KIF13B: variants seen among roughly 807,000 people sequenced by gnomAD.
The protein encoded by KIF13B is kinesin family member 13B.
Under a neutral mutation model 222.0 loss-of-function variants are expected in KIF13B, and 127 were observed. The ratio of observed to expected loss-of-function variants is 0.57; its 90% confidence interval spans 0.50 to 0.66. The LOEUF is 0.66. Ranked by LOEUF, KIF13B falls within the 30% of genes least tolerant of loss-of-function variation. KIF13B has a pLI of 0.00. For synonymous variants in KIF13B, 976 were observed against 919.0 expected (o/e 1.06, Z -1.12); for missense variants, 2,173 against 2,379.0 (o/e 0.91, Z 1.80).
chr8:29,180,188 T>A lies in KIF13B; in HGVS notation c.636A>T (p.Ala212=). ...SEGNKSRTVA[A]TNMNEESSRS... ...GGCTACTCTCCTCGTTCATGTTGGTTGCAGCAACTGTGCGAGATTTGTTAC... is the reference window on the plus strand; with the variant it reads ...GGCTACTCTCCTCGTTCATGTTGGTAGCAGCAACTGTGCGAGATTTGTTAC... The change falls in exon 8 of 40, where the codon GCA becomes GCT. Residue 212 remains alanine, a synonymous_variant. Coordinates refer to ENST00000524189, the MANE Select transcript of KIF13B (RefSeq NM_015254.4). The A allele has an allele frequency of 6.2e-7, 1 of 1,614,008 alleles. No homozygotes were observed. Among genetic ancestry groups the A allele is most frequent in the Non-Finnish European group, 8.5e-7 (1 of 1,179,872 alleles).
chr8:29,258,311 G>C (rs749074325), intron 1 of KIF13B, among the ~76,000 whole-genome samples: 1 of 152,222 alleles, frequency 6.6e-6, no homozygotes, highest in Non-Finnish European at 1.5e-5. Flanking sequence ...CATTCACAAG[G>C]CTTCATTTTC....
intron 21 of KIF13B, among the ~76,000 whole-genome samples, chr8:29,139,003 A>T (rs1194265818): frequency 6.6e-6 from 1 of 152,148 alleles, no homozygotes; most frequent in Non-Finnish European, 1.5e-5. Flanking sequence ...CTATTTACAG[A>T]TAAGATATGA....
intron 2 of KIF13B, among the ~76,000 whole-genome samples, chr8:29,227,058 A>G (rs1259945092): frequency 6.6e-6 from 1 of 152,236 alleles, no homozygotes; most frequent in Non-Finnish European, 1.5e-5. Flanking sequence ...TTACTCTTTT[A>G]GGATGCATCA....
intron 2 of KIF13B, among the ~76,000 whole-genome samples, chr8:29,197,611 GT>G (rs1286544143): frequency 2.0e-5 from 3 of 152,002 alleles, no homozygotes; most frequent in Non-Finnish European, 4.4e-5. Context: ...AACAATCCGG[GT>G]GTCCAAAACA....
At position 29,072,163 on chromosome 8, in the gene KIF13B, TG is replaced by T. The variant is rs1182415107; in HGVS notation, c.4674del (p.Ser1559AlafsTer3). On this transcript the variant is annotated frameshift_variant, in exon 39 of 40. Transcript: ENST00000524189. LOFTEE classifies it high-confidence loss of function. ...TPAPEAQDGP[P>X]SPLSEASSGY... ...CCGCTAGAGGCTTCACTCAGGGGGC[TG>T]GGGGGCCCGTCCTGTGCCTCCGGAG... is the stretch of plus-strand genomic sequence containing the variant. 1.8e-5 allele frequency: 26 copies of T among 1,422,056 alleles called. No individual in the cohort carries two copies. Among genetic ancestry groups the T allele is most frequent in the Admixed American group, 1.2e-4 (4 of 33,972 alleles). 88.1% of individuals were successfully genotyped at this position (1,422,056 alleles called of 1,614,324 possible).
chr8:29,233,213 T>C (rs796313346), intron 2 of KIF13B, among the ~76,000 whole-genome samples: 34 of 152,258 alleles, frequency 2.2e-4, no homozygotes, highest in African/African-American at 7.9e-4. Context: ...GTTCTTCAAA[T>C]CCTGTTCCCA....
rs1426837778 is a variant in KIF13B at position 29,215,081 on chromosome 8, C to T, written c.150-18882G>A. Among the ~76,000 whole-genome samples the T allele has an allele frequency of 2.6e-5, 4 of 152,118 alleles. No individual in the cohort carries two copies. In the South Asian group the frequency reaches 6.2e-4, roughly 24 times the overall value. On this transcript the variant is annotated intron_variant, in intron 2 of 39. Coordinates refer to ENST00000524189, the MANE Select transcript of KIF13B (RefSeq NM_015254.4). ...AGGACCTGTTGCTCCGGTGGCTCCACGCTCCCTGCATGAGTTGCATTATGT... is the reference window on the plus strand; with the variant it reads ...AGGACCTGTTGCTCCGGTGGCTCCATGCTCCCTGCATGAGTTGCATTATGT...
intron 8 of KIF13B, among the ~76,000 whole-genome samples, chr8:29,179,887 G>C (rs1467970194): frequency 6.6e-6 from 1 of 152,084 alleles, no homozygotes; most frequent in Non-Finnish European, 1.5e-5. Context: ...TCTAGAACCT[G>C]GTCCTCCTCA....
chr8:29,072,007 G>T lies in KIF13B; in HGVS notation c.4831C>A (p.Pro1611Thr), dbSNP rs1422979172. ...AEPEAPISHP[P>T]PPTAVPAEEP... Reference sequence around the variant, plus strand: ...TCGGCGGGGACGGCCGTGGGCGGTGGGGGGTGGCTGATGGGCGCCTCGGGC... The same window carrying T: ...TCGGCGGGGACGGCCGTGGGCGGTGTGGGGTGGCTGATGGGCGCCTCGGGC... Residue 1611 changes from proline to threonine, a missense_variant, in exon 39 of 40, where the codon CCA becomes ACA. By Grantham distance (38) the Pro-to-Thr change is conservative. Transcript: ENST00000524189. 2 of 1,291,616 alleles carry T rather than the reference G, an allele frequency of 1.5e-6. No homozygotes were observed. Among genetic ancestry groups the T allele is most frequent in the Non-Finnish European group, 2.0e-6 (2 of 1,022,774 alleles). 80.0% of individuals were successfully genotyped at this position (1,291,616 alleles called of 1,614,324 possible). A position where few individuals can be genotyped will look rare whatever the true frequency, so the allele number is the denominator to read the frequency against.
At chr8:29,120,166 G>GTTTT (rs57731633) in intron 29 of KIF13B, among the ~76,000 whole-genome samples, 22 of 102,348 alleles carry the variant, frequency 2.1e-4, no homozygotes, top group East Asian at 1.4e-3. Flanking sequence ...AAAAATGACA[G>GTTTT]TTTTTTTTTT....
intron 2 of KIF13B, among the ~76,000 whole-genome samples, chr8:29,206,514 TA>T (rs984764615): frequency 6.6e-6 from 1 of 152,196 alleles, no homozygotes; most frequent in African/African-American, 2.4e-5. Context: ...CACGACTACC[TA>T]TTTCACTACT....
intron 1 of KIF13B, among the ~76,000 whole-genome samples, chr8:29,249,530 T>C (rs1816188704): frequency 6.6e-6 from 1 of 151,582 alleles, no homozygotes; most frequent in African/African-American, 2.4e-5. Context: ...CAAATGTCAA[T>C]GTCATATTCA....
At position 29,071,726 on chromosome 8, in the gene KIF13B, G is replaced by A. The variant is rs374274310; in HGVS notation, c.5112C>T (p.Gly1704=). Residue 1704 remains glycine (G), a synonymous_variant, in exon 39 of 40, where the codon GGC becomes GGT. Transcript: ENST00000524189. The surrounding 1 kb of genome is among the most constrained non-coding windows in gnomAD (Gnocchi z 4.9). ...ADEVPEWLRE[G]EFVTVGAHKT... ...TGTGGGCGCCCACGGTGACGAACTC[G>A]CCCTCTCGGAGCCACTCCGGGACCT... is the stretch of plus-strand genomic sequence containing the variant. 4.2e-5 allele frequency: 65 copies of A among 1,549,906 alleles called. No individual in the cohort carries two copies. The highest frequency in any genetic ancestry group is 2.2e-4 in the East Asian group (9 of 40,900).
chr8:29,088,577 G>C (rs1463713840), intron 37 of KIF13B, among the ~76,000 whole-genome samples: 1 of 152,082 alleles, frequency 6.6e-6, no homozygotes, highest in East Asian at 1.9e-4. Context: ...TGAAGTTTGT[G>C]AAAATTGTGA....
intron 2 of KIF13B, among the ~76,000 whole-genome samples, chr8:29,196,866 T>A (rs530446081): frequency 6.6e-6 from 1 of 152,196 alleles, no homozygotes; most frequent in South Asian, 2.1e-4. Context: ...GAGTGTTACG[T>A]GGGTACTCAA....
At chr8:29,258,765 CCT>C (rs1169939955) in intron 1 of KIF13B, among the ~76,000 whole-genome samples, 4 of 152,190 alleles carry the variant, frequency 2.6e-5, no homozygotes, top group Non-Finnish European at 5.9e-5. Flanking sequence ...AGTCTAAACT[CCT>C]CTCGATTCCC....
intron 2 of KIF13B, among the ~76,000 whole-genome samples, chr8:29,220,083 T>C (rs1814673605): frequency 6.6e-6 from 1 of 151,956 alleles, no homozygotes; most frequent in African/African-American, 2.4e-5. Context: ...AAAAATGAAA[T>C]GAAAGTGATG....
At chr8:29,136,732 C>A (rs907249600) in intron 21 of KIF13B, among the ~76,000 whole-genome samples, 6 of 151,138 alleles carry the variant, frequency 4.0e-5, no homozygotes, top group African/African-American at 1.5e-4. Context: ...AGCTACCTTA[C>A]TCTACAGGGG....
At position 29,071,182 on chromosome 8, in the gene KIF13B, AT is replaced by A. The variant is rs1175604466; in HGVS notation, c.5219-417del. Reference sequence around the variant, plus strand: ...GGCGGGAGAATGGTTCTTTTGCTGAATCTATGAAATGGAAACTGGCAAAACT... The same window carrying A: ...GGCGGGAGAATGGTTCTTTTGCTGAACTATGAAATGGAAACTGGCAAAACT... On this transcript the variant is annotated intron_variant, in intron 39 of 39. Coordinates refer to ENST00000524189, the MANE Select transcript of KIF13B (RefSeq NM_015254.4). This position sits in a 1 kb window ranked among gnomAD's most constrained non-coding sequence, Gnocchi z 4.9. Among the ~76,000 whole-genome samples the A allele has an allele frequency of 6.6e-6, 1 of 152,160 alleles. No individual in the cohort carries two copies. Among genetic ancestry groups the A allele is most frequent in the Admixed American group, 6.5e-5 (1 of 15,280 alleles).
Sources: allele counts gnomAD v4.1 joint callset (sites outside exome capture counted in the v4.1 genomes callset), GRCh38; gene constraint gnomAD v4.1.1; non-coding constraint Gnocchi (gnomAD v3.1); transcripts MANE v1.5; gene names NCBI Gene and HGNC (gene_info 2026-07-23, HGNC 2026-07-21).